Variants in KATNBL1 observed in about 807,000 individuals in gnomAD.
KATNBL1 encodes the protein KATNB1-like protein 1.
A neutral mutation model predicts 44.7 loss-of-function variants in KATNBL1; 28 were observed. That is an observed-to-expected ratio of 0.63 (90% CI 0.46 to 0.86). The LOEUF (loss-of-function observed/expected upper bound fraction) is 0.86. Ranked by LOEUF, KATNBL1 falls within the 40% of genes least tolerant of loss-of-function variation. KATNBL1 has a pLI of 0.00. For synonymous variants in KATNBL1, 78 were observed against 114.9 expected (o/e 0.68, Z 2.06); for missense variants, 272 against 350.7 (o/e 0.78, Z 1.79).
intron 1 of KATNBL1, among the ~76,000 whole-genome samples, chr15:34,179,414 C>T (rs964281547): frequency 3.3e-5 from 5 of 152,172 alleles, no homozygotes; most frequent in African/African-American, 1.2e-4. Flanking sequence ...TCTTAACAGT[C>T]CCACCTCTCA....
At chr15:34,188,136 G>GCAAAAAAAAAAA (rs1394136257) in intron 1 of KATNBL1, among the ~76,000 whole-genome samples, 3 of 6,590 alleles carry the variant, frequency 4.6e-4, no homozygotes, top group Non-Finnish European at 8.8e-4. Context: ...AAGACGCCAT[G>GCAAAAAAAAAAA]TAAAAAAAAA....
intron 1 of KATNBL1, among the ~76,000 whole-genome samples, chr15:34,171,735 A>G (rs1018920511): frequency 1.3e-5 from 2 of 152,210 alleles, no homozygotes; most frequent in Non-Finnish European, 2.9e-5. Context: ...GCACATATAT[A>G]TCATGGAATA....
intron 1 of KATNBL1, among the ~76,000 whole-genome samples, chr15:34,193,373 A>C (rs985522455): frequency 1.3e-5 from 2 of 151,940 alleles, no homozygotes; most frequent in African/African-American, 4.8e-5. Flanking sequence ...ATCTCTACTA[A>C]AAATACAAAA....
chr15:34,189,947 C>CT (rs61022097), intron 1 of KATNBL1, among the ~76,000 whole-genome samples: 102 of 141,936 alleles, frequency 7.2e-4, no homozygotes, highest in African/African-American at 2.0e-3. Flanking sequence ...GAAGTACATT[C>CT]TTTTTTTTTT....
At chr15:34,187,210 C>T (rs73380126) in intron 1 of KATNBL1, among the ~76,000 whole-genome samples, 24,440 of 152,106 alleles carry the variant, frequency 0.16, 2,113 homozygotes, top group Middle Eastern at 0.31. Context: ...ATCTGCTGAG[C>T]GCTTCAGAGA....
At chr15:34,154,568 C>A in intron 3 of KATNBL1, 76 bp downstream of exon 3, 1 of 895,240 alleles carries the variant, frequency 1.1e-6, no homozygotes, top group Admixed American at 2.0e-5. Flanking sequence ...TAAAAGAATG[C>A]TTATTTTTCC....
intron 1 of KATNBL1, among the ~76,000 whole-genome samples, chr15:34,181,616 A>ATC (rs1567531955): frequency 5.3e-5 from 7 of 132,028 alleles, no homozygotes; most frequent in African/African-American, 1.6e-4. Flanking sequence ...CCATATATAT[A>ATC]CACATATATA....
intron 1 of KATNBL1, among the ~76,000 whole-genome samples, chr15:34,187,338 C>T (rs991144093): frequency 2.0e-5 from 3 of 152,174 alleles, no homozygotes; most frequent in Admixed American, 6.5e-5. Flanking sequence ...GAGCTACACA[C>T]TCCTCTGAGC....
chr15:34,188,212 G>C (rs2140980592), intron 1 of KATNBL1, among the ~76,000 whole-genome samples: 1 of 129,452 alleles, frequency 7.7e-6, no homozygotes, highest in Admixed American at 8.8e-5. Flanking sequence ...TGGGCAGAGA[G>C]AAATACACCT....
At chr15:34,161,316 A>C (rs1287834618) in intron 2 of KATNBL1, among the ~76,000 whole-genome samples, 3 of 152,042 alleles carry the variant, frequency 2.0e-5, no homozygotes, top group Non-Finnish European at 4.4e-5. Context: ...TTTATTCATC[A>C]CACTGGGTGG....
intron 8 of KATNBL1, 109 bp from the exon 9 acceptor site, chr15:34,145,600 C>G: frequency 1.0e-6 from 1 of 998,796 alleles, no homozygotes; most frequent in Non-Finnish European, 1.3e-6. Context: ...AGGTATTTTT[C>G]AGGAGAAAAT....
intron 5 of KATNBL1, chr15:34,148,427 T>G: frequency 2.7e-6 from 1 of 367,632 alleles, no homozygotes; most frequent in Non-Finnish European, 5.1e-6. Context: ...TTCCAAAAAA[T>G]TTTTTTAAAA....
At chr15:34,204,838 G>C (rs200843874) in intron 1 of KATNBL1, among the ~76,000 whole-genome samples, 1 of 152,192 alleles carries the variant, frequency 6.6e-6, no homozygotes. Context: ...CTAAAATGCA[G>C]AAGTCCCTGA....
intron 1 of KATNBL1, among the ~76,000 whole-genome samples, chr15:34,172,256 CT>C (rs59733560): frequency 0.014 from 1,347 of 96,596 alleles, 36 homozygotes; most frequent in African/African-American, 0.049. Flanking sequence ...GGAACATATT[CT>C]TTTTTTTTTT....
intron 2 of KATNBL1, among the ~76,000 whole-genome samples, chr15:34,157,262 G>C (rs1888665511): frequency 6.6e-6 from 1 of 152,236 alleles, no homozygotes; most frequent in African/African-American, 2.4e-5. Context: ...AGCTTGGTTA[G>C]AGTAAGCCCT....
intron 3 of KATNBL1, 121 bp downstream of exon 3, chr15:34,154,523 G>T (rs756387143): frequency 1.4e-5 from 10 of 706,864 alleles, no homozygotes; most frequent in Admixed American, 2.4e-5. Flanking sequence ...CTGGCATAAA[G>T]AAGCTGTTTG....
chr15:34,160,528 T>C (rs1181534684), intron 2 of KATNBL1, among the ~76,000 whole-genome samples: 1 of 152,238 alleles, frequency 6.6e-6, no homozygotes, highest in Non-Finnish European at 1.5e-5. Flanking sequence ...TGAGTCTTTT[T>C]AGGAATTTTA....
intron 4 of KATNBL1, among the ~76,000 whole-genome samples, chr15:34,149,324 T>C (rs545801018): frequency 6.6e-6 from 1 of 152,310 alleles, no homozygotes; most frequent in Non-Finnish European, 1.5e-5. Flanking sequence ...CAAAGACAAA[T>C]TAAGTACACA....
At chr15:34,145,561 G>A (rs896310992) in intron 8 of KATNBL1, 70 bp from the exon 9 acceptor site, 4 of 1,239,254 alleles carry the variant, frequency 3.2e-6, no homozygotes, top group Middle Eastern at 4.2e-4. Context: ...TCATAAATAT[G>A]CATAATAAAA....
Sources: allele counts gnomAD v4.1 joint callset (sites outside exome capture counted in the v4.1 genomes callset), GRCh38; gene constraint gnomAD v4.1.1; transcripts MANE v1.5; gene names NCBI Gene and HGNC (gene_info 2026-07-23, HGNC 2026-07-21).